Variants in LNX1 observed in about 807,000 individuals in gnomAD.
The protein encoded by LNX1 is ligand of numb-protein X 1, also known as E3 ubiquitin-protein ligase LNX.
A neutral mutation model predicts 68.4 loss-of-function variants in LNX1; 54 were observed. The ratio of observed to expected loss-of-function variants is 0.79; its 90% CI spans 0.63 to 0.99. The LOEUF is 0.99. LNX1 is among the 50% of genes least tolerant of loss of function. The pLI, the probability that LNX1 is intolerant of heterozygous loss-of-function variation, is 0.00. For missense variants in LNX1, 906 were observed against 926.4 expected, an observed-to-expected ratio of 0.98 and a Z score of 0.29; for synonymous variants, 336 against 350.0, an observed-to-expected ratio of 0.96 and a Z score of 0.45.
At chr4:53,564,937 C>A (rs111803323) in intron 2 of LNX1, among the ~76,000 whole-genome samples, 2,613 of 152,270 alleles carry the variant, frequency 0.017, 77 homozygotes, top group African/African-American at 0.06. Context: ...TGCGCTTTTC[C>A]GACGGGCTTA....
At chr4:53,612,916 T>A (rs1733549843) in intron 2 of LNX1, among the ~76,000 whole-genome samples, 1 of 151,656 alleles carries the variant, frequency 6.6e-6, no homozygotes, top group Non-Finnish European at 1.5e-5. Context: ...TTAGTTGTGC[T>A]AGTTGACAGG....
chr4:53,606,365 C>T (rs1412888221), intron 2 of LNX1, among the ~76,000 whole-genome samples: 1 of 152,050 alleles, frequency 6.6e-6, no homozygotes, highest in African/African-American at 2.4e-5. Flanking sequence ...AACATACAAC[C>T]TCCCAAGATT....
intron 2 of LNX1, among the ~76,000 whole-genome samples, chr4:53,529,102 A>AACACACACACAC (rs201017055): frequency 0.02 from 2,757 of 138,362 alleles, 54 homozygotes; most frequent in African/African-American, 0.039. Context: ...AGTCCTGACC[A>AACACACACACAC]ACACACACAC....
intron 7 of LNX1, among the ~76,000 whole-genome samples, chr4:53,479,145 C>T (rs567184124): frequency 6.6e-6 from 1 of 152,334 alleles, no homozygotes; most frequent in East Asian, 1.9e-4. Flanking sequence ...AGTGCCTTGG[C>T]CTCCCAAAGT....
intron 1 of LNX1, among the ~76,000 whole-genome samples, chr4:53,649,784 T>C (rs963022087): frequency 1.3e-5 from 2 of 152,188 alleles, no homozygotes; most frequent in African/African-American, 4.8e-5. Context: ...CTCATTGTAC[T>C]TGGCCACATG....
chr4:53,521,341 A>G (rs1284773259), intron 2 of LNX1, among the ~76,000 whole-genome samples: 3 of 152,178 alleles, frequency 2.0e-5, no homozygotes, highest in Admixed American at 6.5e-5. Context: ...ATTCCCAGAC[A>G]TTTGAAAACA....
chr4:53,572,567 T>C (rs1325783361), intron 2 of LNX1, among the ~76,000 whole-genome samples: 1 of 152,236 alleles, frequency 6.6e-6, no homozygotes, highest in African/African-American at 2.4e-5. Context: ...ACCTGCCTCT[T>C]GCCCTTGTCA....
At chr4:53,593,662 T>C (rs1322842468), upstream of LNX1, among the ~76,000 whole-genome samples, 2 of 152,026 alleles carry the variant, frequency 1.3e-5, no homozygotes, top group Non-Finnish European at 2.9e-5. Flanking sequence ...TTAAAAAAAA[T>C]AATATGGGCT....
At chr4:53,492,506 T>TGAGA (rs58715153) in intron 6 of LNX1, among the ~76,000 whole-genome samples, 4,842 of 88,952 alleles carry the variant, frequency 0.054, 336 homozygotes, top group East Asian at 0.2. Flanking sequence ...CAGAGGGCTC[T>TGAGA]GAGAGAGAGA....
chr4:53,631,020 C>A (rs151329306), intron 1 of LNX1, among the ~76,000 whole-genome samples: 1 of 152,198 alleles, frequency 6.6e-6, no homozygotes, highest in Non-Finnish European at 1.5e-5. Flanking sequence ...GGGAAATGAG[C>A]CAGAACCTTG....
chr4:53,596,287 G>A (rs1434747296), upstream of LNX1, among the ~76,000 whole-genome samples: 2 of 152,150 alleles, frequency 1.3e-5, no homozygotes, highest in African/African-American at 4.8e-5. Context: ...TGAGTTTCTA[G>A]GGTAACCTGT....
At chr4:53,600,708 GT>G (rs896347186) in intron 2 of LNX1, among the ~76,000 whole-genome samples, 2 of 147,882 alleles carry the variant, frequency 1.4e-5, no homozygotes, top group South Asian at 2.1e-4. Context: ...GACGGCCTCT[GT>G]TTTTTTATTT....
At chr4:53,547,998 T>C (rs1317455213) in intron 2 of LNX1, among the ~76,000 whole-genome samples, 1 of 151,878 alleles carries the variant, frequency 6.6e-6, no homozygotes, top group African/African-American at 2.4e-5. Flanking sequence ...TCAAGTTTCA[T>C]AAACCTGGAT....
intron 2 of LNX1, among the ~76,000 whole-genome samples, chr4:53,609,600 A>G (rs1027300580): frequency 6.8e-6 from 1 of 146,252 alleles, no homozygotes; most frequent in Non-Finnish European, 1.5e-5. Context: ...ATTATATATT[A>G]TATGTTATAC....
chr4:53,544,647 C>T (rs551778115), intron 2 of LNX1, among the ~76,000 whole-genome samples: 25 of 152,272 alleles, frequency 1.6e-4, no homozygotes, highest in Admixed American at 6.5e-4. Flanking sequence ...CAGTACCATG[C>T]GAGAATCTTT....
At chr4:53,558,797 T>C (rs1213560610) in intron 2 of LNX1, among the ~76,000 whole-genome samples, 1 of 152,228 alleles carries the variant, frequency 6.6e-6, no homozygotes, top group African/African-American at 2.4e-5. Context: ...ACTTGTTTCA[T>C]TTAAGCTCTC....
chr4:53,636,076 A>G (rs1487804734), intron 1 of LNX1, among the ~76,000 whole-genome samples: 1 of 151,426 alleles, frequency 6.6e-6, no homozygotes, highest in East Asian at 1.9e-4. Context: ...GAGATGCTGA[A>G]CTTTATTGGT....
chr4:53,638,106 G>T (rs1259103258), intron 1 of LNX1, among the ~76,000 whole-genome samples: 1 of 152,158 alleles, frequency 6.6e-6, no homozygotes, highest in African/African-American at 2.4e-5. Context: ...ATGATATACT[G>T]CATTAATACA....
At chr4:53,648,832 C>G (rs964322516) in intron 1 of LNX1, among the ~76,000 whole-genome samples, 2 of 152,162 alleles carry the variant, frequency 1.3e-5, no homozygotes, top group Admixed American at 1.3e-4. Flanking sequence ...TGCAGAATTG[C>G]TTTAGTGATA....
Sources: allele counts gnomAD v4.1 joint callset (sites outside exome capture counted in the v4.1 genomes callset), GRCh38; gene constraint gnomAD v4.1.1; transcripts MANE v1.5; gene names NCBI Gene and HGNC (gene_info 2026-07-23, HGNC 2026-07-21).